The following DNAAF11 variants were observed in gnomAD, a reference collection of about 807,000 sequenced individuals.
DNAAF11 encodes the protein dynein axonemal assembly factor 11.
Under a neutral mutation model 60.8 loss-of-function variants are expected in DNAAF11, and 45 were observed. The observed-to-expected ratio is 0.74, with a 90% CI of 0.58 to 0.95. The LOEUF is 0.95. DNAAF11 is among the 40% of genes least tolerant of loss of function. The pLI is 0.00. For synonymous variants in DNAAF11, 191 were observed against 183.5 expected, an observed-to-expected ratio of 1.04 and a Z score of -0.33; for missense variants, 546 against 546.2, an observed-to-expected ratio of 1.00 and a Z score of 0.00.
chr8:132,579,579 C>A (rs1815103635), intron 11 of DNAAF11, among the ~76,000 whole-genome samples: 1 of 152,144 alleles, frequency 6.6e-6, no homozygotes, highest in African/African-American at 2.4e-5. Context: ...CCTCTTATCT[C>A]AAGATGTTGT....
At chr8:132,642,941 T>G (rs770127185) in intron 3 of DNAAF11, among the ~76,000 whole-genome samples, 8 of 152,210 alleles carry the variant, frequency 5.3e-5, no homozygotes, top group Non-Finnish European at 1.0e-4. Context: ...AGACCATTTT[T>G]CCACGGACGG....
chr8:132,598,092 A>C (rs1397297781), intron 10 of DNAAF11, among the ~76,000 whole-genome samples: 1 of 152,164 alleles, frequency 6.6e-6, no homozygotes, highest in Admixed American at 6.5e-5. Flanking sequence ...TCAGAATTTC[A>C]TTTCCTCTTC....
At chr8:132,655,924 A>T (rs112341681) in intron 3 of DNAAF11, among the ~76,000 whole-genome samples, 16 of 152,346 alleles carry the variant, frequency 1.1e-4, no homozygotes, top group African/African-American at 3.8e-4. Flanking sequence ...AATCGATACA[A>T]TAAATATTTT....
At chr8:132,610,023 T>C in intron 10 of DNAAF11, 143 bp downstream of exon 10, 1 of 594,360 alleles carries the variant, frequency 1.7e-6, no homozygotes, top group South Asian at 2.2e-5. Context: ...ACCGTTGTTC[T>C]CCTACCTCAG....
chr8:132,583,946 A>G (rs1419417144), intron 10 of DNAAF11, among the ~76,000 whole-genome samples, 167 bp from the exon 11 acceptor site: 1 of 152,104 alleles, frequency 6.6e-6, no homozygotes, highest in East Asian at 1.9e-4. Flanking sequence ...AGAGAAGGTT[A>G]TATCACGAAT....
chr8:132,663,028 T>C (rs1421554911), intron 1 of DNAAF11, among the ~76,000 whole-genome samples: 1 of 152,190 alleles, frequency 6.6e-6, no homozygotes, highest in Admixed American at 6.5e-5. Flanking sequence ...CAGAGCAATG[T>C]AGAGGTTGAG....
intron 8 of DNAAF11, among the ~76,000 whole-genome samples, chr8:132,611,991 C>G (rs1224113450): frequency 1.3e-5 from 2 of 152,188 alleles, no homozygotes; most frequent in Non-Finnish European, 2.9e-5. Context: ...TGTTCACATA[C>G]TTCAAAATAC....
chr8:132,598,011 T>C (rs906942331), intron 10 of DNAAF11, among the ~76,000 whole-genome samples: 2 of 152,218 alleles, frequency 1.3e-5, no homozygotes, highest in African/African-American at 4.8e-5. Flanking sequence ...AAAAGTAATC[T>C]GGCTGTAGAT....
intron 5 of DNAAF11, among the ~76,000 whole-genome samples, chr8:132,626,474 T>C (rs1445150563): frequency 6.6e-6 from 1 of 152,206 alleles, no homozygotes; most frequent in African/African-American, 2.4e-5. Flanking sequence ...GTCAGAGAAT[T>C]AAACAACGTC....
At chr8:132,688,637 T>A in the DNAAF11 span, among the ~76,000 whole-genome samples, 172 of 152,238 alleles carry the variant, frequency 1.1e-3, no homozygotes, top group African/African-American at 3.9e-3. Context: ...TGTTGGCAGC[T>A]CTCTGACCAC....
At chr8:132,575,079 C>A (rs184790141) in intron 11 of DNAAF11, among the ~76,000 whole-genome samples, 1 of 152,330 alleles carries the variant, frequency 6.6e-6, no homozygotes, top group Non-Finnish European at 1.5e-5. Flanking sequence ...TCTTTCATCT[C>A]ATTTATTTCC....
chr8:132,675,479 C>T lies in DNAAF11; in HGVS notation c.10+5G>A, dbSNP rs762147889. ...ATCGAGGACGGAAGGTGGAGGGGGGCTTACTCCAGCCCATGGCGCCTCTCC... is the reference window on the plus strand; with the variant it reads ...ATCGAGGACGGAAGGTGGAGGGGGGTTTACTCCAGCCCATGGCGCCTCTCC... On this transcript the variant is annotated splice_donor_5th_base_variant and intron_variant, in intron 1 of 11. Transcript: ENST00000620350. The T allele has an allele frequency of 1.9e-6, 3 of 1,567,194 alleles. No homozygotes were observed. The highest frequency in any genetic ancestry group is 2.6e-6 in the Non-Finnish European group (3 of 1,153,852).
Position 132,570,496 on chromosome 8 carries a change from T to C in DNAAF11, c.*1810A>G, listed in dbSNP as rs1442371615. Among the ~76,000 whole-genome samples, 1 of 152,230 alleles carries C rather than the reference T, an allele frequency of 6.6e-6. No homozygotes were observed. The highest frequency in any genetic ancestry group is 6.5e-5 in the Admixed American group (1 of 15,290). On this transcript the variant is annotated 3_prime_UTR_variant, in exon 12 of 12. Coordinates refer to ENST00000620350, the MANE Select transcript of DNAAF11 (RefSeq NM_012472.6). ...TTTTGCTTTCTCTCTATGTGGAAAT[T>C]AAATACAGTCCTGACAAATGTACAT...
intron 2 of DNAAF11, among the ~76,000 whole-genome samples, chr8:132,657,120 T>G (rs1162569981): frequency 6.6e-6 from 1 of 152,104 alleles, no homozygotes; most frequent in African/African-American, 2.4e-5. Flanking sequence ...GACACCCAGT[T>G]TTGCTCATGT....
the DNAAF11 span, among the ~76,000 whole-genome samples, chr8:132,697,706 A>C: frequency 2.0e-5 from 3 of 152,280 alleles, no homozygotes; most frequent in East Asian, 5.8e-4. Context: ...TGTGGAGCTC[A>C]CCAAGAATGA....
chr8:132,610,181 G>A lies in DNAAF11; in HGVS notation c.1125C>T (p.Val375=). ...AKRSQTTGHL[V]ICMPKVGEVI... is the part of the protein sequence containing the mutation. ...CATGACCTACCTTGGGCATGCAGAT[G>A]ACCAAATGACCCGTTGTCTGAGATC... is the stretch of plus-strand genomic sequence containing the variant. The change falls in exon 10 of 12, where the codon GTC becomes GTT. Residue 375 remains valine, a synonymous_variant. Transcript: ENST00000620350. The A allele has an allele frequency of 6.2e-7, 1 of 1,613,670 alleles. No individual in the cohort carries two copies.
intron 3 of DNAAF11, among the ~76,000 whole-genome samples, chr8:132,639,281 C>T (rs1336457880): frequency 2.6e-5 from 4 of 152,142 alleles, no homozygotes; most frequent in African/African-American, 9.7e-5. Flanking sequence ...ATAAGATTAT[C>T]TCTCCCTATG....
At chr8:132,657,546 G>A (rs1181332626) in intron 2 of DNAAF11, among the ~76,000 whole-genome samples, 1 of 152,128 alleles carries the variant, frequency 6.6e-6, no homozygotes, top group African/African-American at 2.4e-5. Flanking sequence ...TTTCCTTACT[G>A]TTCTACCACA....
the DNAAF11 span, among the ~76,000 whole-genome samples, chr8:132,686,417 T>C: frequency 6.6e-6 from 1 of 152,180 alleles, no homozygotes; most frequent in Non-Finnish European, 1.5e-5. Context: ...GGGACATCTT[T>C]ACATGGTTTA....
Sources: allele counts gnomAD v4.1 joint callset (sites outside exome capture counted in the v4.1 genomes callset), GRCh38; gene constraint gnomAD v4.1.1; transcripts MANE v1.5; gene names NCBI Gene and HGNC (gene_info 2026-07-23, HGNC 2026-07-21).